The following BTBD2 variants were observed in gnomAD, a reference collection of about 807,000 sequenced individuals.
The protein encoded by BTBD2 is BTB/POZ domain-containing protein 2.
A neutral mutation model predicts 44.0 loss-of-function variants in BTBD2; 15 were observed. That is an observed-to-expected ratio of 0.34 (90% CI 0.23 to 0.53). The LOEUF (loss-of-function observed/expected upper bound fraction) is 0.53. Ranked by LOEUF, BTBD2 falls within the 20% of genes least tolerant of loss-of-function variation. The pLI, the probability that BTBD2 is intolerant of heterozygous loss-of-function variation, is 0.95. For synonymous variants in BTBD2, 443 were observed against 335.9 expected (o/e 1.32, Z -3.49); for missense variants, 657 against 746.4 (o/e 0.88, Z 1.39).
At chr19:2,013,471 G>A (rs559563141) in intron 1 of BTBD2, 2 of 980,582 alleles carry the variant, frequency 2.0e-6, no homozygotes, top group South Asian at 4.7e-5. Flanking sequence ...GTCTGGGCAG[G>A]GGTCTAGGGT....
intron 3 of BTBD2, 152 bp from the exon 4 acceptor site, chr19:1,990,974 G>T: frequency 1.5e-6 from 1 of 667,020 alleles, no homozygotes; most frequent in Non-Finnish European, 2.6e-6. Context: ...CACCAGGCCG[G>T]CCCTGTTGTG....
chr19:1,987,419 C>A, intron 6 of BTBD2, 81 bp downstream of exon 6: 1 of 1,353,938 alleles, frequency 7.4e-7, no homozygotes, highest in Non-Finnish European at 9.9e-7. Flanking sequence ...TCTCCACCCC[C>A]ATGCCCGGCC....
In BTBD2 at chr19:1,990,704, C is replaced by G; in HGVS notation, c.790+13G>C. 6.3e-7 allele frequency: 1 copy of G among 1,586,082 alleles called. No individual in the cohort carries two copies. The highest frequency in any genetic ancestry group is 1.1e-5 in the South Asian group (1 of 87,062). Reference sequence around the variant, plus strand: ...CCGCTGGGATTCCCACACCTGGGCTCCTGGGCCCTTACCCAGGTCAATGTC... The same window carrying G: ...CCGCTGGGATTCCCACACCTGGGCTGCTGGGCCCTTACCCAGGTCAATGTC... On this transcript the variant is annotated intron_variant, in intron 4 of 8. Coordinates refer to ENST00000255608, the MANE Select transcript of BTBD2 (RefSeq NM_017797.4).
At chr19:2,000,038 G>A (rs376743776) in intron 1 of BTBD2, among the ~76,000 whole-genome samples, 16 of 152,028 alleles carry the variant, frequency 1.1e-4, no homozygotes, top group African/African-American at 2.4e-4. Context: ...GGACTGGAGC[G>A]ATGCGGCCAC....
rs2016069088 is a variant in BTBD2 at position 1,985,745 on chromosome 19, G to A, written c.*743C>T. On this transcript the variant is annotated 3_prime_UTR_variant, in exon 9 of 9. Transcript: ENST00000255608. ...AGGGGAGCTCTGGGGCACAGGGTCT[G>A]AGTCCCATCTTGGGCTGCAGGGACC... The A allele has an allele frequency of 1.3e-5, 2 of 152,674 alleles. No homozygotes were observed. Among genetic ancestry groups the A allele is most frequent in the African/African-American group, 2.4e-5 (1 of 41,474 alleles). The allele number at this position is 152,674 out of a possible 1,614,324, so 9.5% of individuals were successfully genotyped here. A position where few individuals can be genotyped will look rare whatever the true frequency, so the allele number is the denominator to read the frequency against.
In BTBD2 at chr19:1,990,182, C is replaced by T. The variant is rs1310020573; in HGVS notation, c.810G>A (p.Leu270=). 4 of 1,603,776 alleles carry T rather than the reference C, an allele frequency of 2.5e-6. No homozygotes were observed. Among genetic ancestry groups the T allele is most frequent in the Non-Finnish European group, 3.4e-6 (4 of 1,176,036 alleles). Residue 270 remains leucine, a synonymous_variant, in exon 5 of 9, where the codon CTG becomes CTA. Transcript: ENST00000255608. ...CACGGATGCCCAGTGTGTCGCGCTC[C>T]AGGACAGCCACCAGCGTGTCTGTGG... ...DIDLDTLVAV[L]ERDTLGIREV... is the part of the protein sequence containing the mutation.
intron 6 of BTBD2, 53 bp from the exon 7 acceptor site, chr19:1,987,306 T>C: frequency 6.3e-7 from 1 of 1,595,420 alleles, no homozygotes; most frequent in South Asian, 1.1e-5. Flanking sequence ...TAGCCTAAGG[T>C]GAGCTGGGGC....
chr19:2,014,439 A>G (rs976403994), intron 1 of BTBD2: 1 of 133,448 alleles, frequency 7.5e-6, no homozygotes, highest in Non-Finnish European at 1.6e-5. Context: ...CAGGGCATGG[A>G]GGGGACCCAG....
intron 1 of BTBD2, among the ~76,000 whole-genome samples, chr19:2,011,379 C>T (rs535180655): frequency 9.2e-5 from 14 of 152,252 alleles, no homozygotes; most frequent in African/African-American, 1.4e-4. Flanking sequence ...GGCCCATCCA[C>T]GGCGCGTTCC....
intron 1 of BTBD2, among the ~76,000 whole-genome samples, chr19:2,006,911 GC>G (rs1279277270): frequency 1.3e-5 from 2 of 152,044 alleles, no homozygotes; most frequent in African/African-American, 4.8e-5. Context: ...AGGCTGGAGT[GC>G]AGTGACGCGA....
intron 2 of BTBD2, among the ~76,000 whole-genome samples, chr19:1,993,812 C>T (rs928175700): frequency 1.2e-4 from 18 of 147,700 alleles, no homozygotes; most frequent in African/African-American, 4.3e-4. Context: ...GCCTGGCCAA[C>T]ATGGTGAAAC....
chr19:1,989,451 G>A lies in BTBD2; in HGVS notation c.988+553C>T, dbSNP rs117350053. ...GTGGACCTGGGGAAGGCCAGACGGC[G>A]AGTGTGCACCAGCCCCAGGGCTCTG... On this transcript the variant is annotated intron_variant, in intron 5 of 8. Coordinates refer to ENST00000255608, the MANE Select transcript of BTBD2 (RefSeq NM_017797.4). The A allele has an allele frequency of 7.2e-3, 1,134 of 158,248 alleles. 10 individuals are homozygous for A. The highest frequency in any genetic ancestry group is 0.011 in the Non-Finnish European group (802 of 71,830). 9.8% of individuals were successfully genotyped at this position (158,248 alleles called of 1,614,324 possible).
At chr19:2,014,852 C>A (rs1224537797) in intron 1 of BTBD2, among the ~76,000 whole-genome samples, 3 of 137,110 alleles carry the variant, frequency 2.2e-5, no homozygotes, top group Non-Finnish European at 4.7e-5. Context: ...AGGCTGGGGG[C>A]GCAAGCCAGA....
chr19:1,997,319 A>C, intron 2 of BTBD2, 25 bp downstream of exon 2: 1 of 1,613,796 alleles, frequency 6.2e-7, no homozygotes, highest in Non-Finnish European at 8.5e-7. Flanking sequence ...CCAGCTCCCC[A>C]GCAGGAAGCA....
chr19:2,015,492 G>A lies in BTBD2; in HGVS notation c.212C>T (p.Ala71Val). 8.6e-7 allele frequency: 1 copy of A among 1,169,510 alleles called. No individual in the cohort carries two copies. Among genetic ancestry groups the A allele is most frequent in the Non-Finnish European group, 1.1e-6 (1 of 951,504 alleles). 72.4% of individuals were successfully genotyped at this position (1,169,510 alleles called of 1,614,324 possible). Residue 71 changes from alanine (A) to valine (V), a missense_variant, in exon 1 of 9, where the codon GCC becomes GTC. Transcript: ENST00000255608. ...CTCCTCCGCCCGCTCCGCGCCCGCG[G>A]CCTGCGCGTCTGTCCCGGGGCCCGG... ...APPGPGTDAQAAGAERAEEAA... is the reference protein window; with the variant it reads ...APPGPGTDAQVAGAERAEEAA...
intron 1 of BTBD2, among the ~76,000 whole-genome samples, chr19:2,010,387 G>A (rs370568356): frequency 3.3e-5 from 5 of 152,220 alleles, no homozygotes; most frequent in South Asian, 2.1e-4. Flanking sequence ...CCCAGAAGCC[G>A]CGTGCAACCC....
At chr19:1,994,087 C>T (rs991516250) in intron 2 of BTBD2, among the ~76,000 whole-genome samples, 3 of 145,714 alleles carry the variant, frequency 2.1e-5, no homozygotes, top group Non-Finnish European at 3.0e-5. Context: ...GAGGCCGAGG[C>T]GGGCAGATCA....
intron 3 of BTBD2, among the ~76,000 whole-genome samples, chr19:1,992,429 G>A (rs1462853243): frequency 6.6e-6 from 1 of 151,652 alleles, no homozygotes; most frequent in African/African-American, 2.4e-5. Flanking sequence ...TTGTAGAAAC[G>A]GGGTCTCTCT....
chr19:2,005,656 C>T (rs2016385840), intron 1 of BTBD2, among the ~76,000 whole-genome samples: 1 of 151,772 alleles, frequency 6.6e-6, no homozygotes, highest in African/African-American at 2.4e-5. Context: ...GTGGCCGGAG[C>T]CTGTAATCCC....
Sources: allele counts gnomAD v4.1 joint callset (sites outside exome capture counted in the v4.1 genomes callset), GRCh38; gene constraint gnomAD v4.1.1; transcripts MANE v1.5; gene names NCBI Gene and HGNC (gene_info 2026-07-23, HGNC 2026-07-21).